The following CDKAL1 variants were observed in gnomAD, a reference collection of about 807,000 sequenced individuals.
CDKAL1 encodes CDKAL1 threonylcarbamoyladenosine tRNA methylthiotransferase.
A neutral mutation model predicts 68.2 loss-of-function variants in CDKAL1; 32 were observed. That is an observed-to-expected ratio of 0.47 (90% CI 0.35 to 0.63). The LOEUF is 0.63. Among genes scored for constraint, CDKAL1 ranks in the 30% least tolerant of loss-of-function variants. CDKAL1 has a pLI of 0.00. For synonymous variants in CDKAL1, 234 were observed against 244.3 expected (o/e 0.96, Z 0.39); for missense variants, 606 against 696.7 (o/e 0.87, Z 1.47).
intron 10 of CDKAL1, among the ~76,000 whole-genome samples, chr6:20,996,281 T>C (rs1416770241): frequency 6.6e-6 from 1 of 152,242 alleles, no homozygotes; most frequent in African/African-American, 2.4e-5. Flanking sequence ...GCACTTTTGA[T>C]TTCCTTCAAG....
At position 21,093,894 on chromosome 6, in the gene CDKAL1, C is replaced by CTTT. The variant is rs33945169; in HGVS notation, c.1237-14491_1237-14489dup. 0.023 allele frequency among the ~76,000 whole-genome samples: 2,607 copies of CTTT among 110,994 alleles called. 231 individuals carry two copies. In the East Asian group the frequency reaches 0.28, roughly 12 times the overall value. The allele number at this position is 110,994 out of a possible 152,430, so 72.8% of individuals were successfully genotyped here. ...ACGGTAGGTGCACCACCACACCTGG[C>CTTT]TTTTTTTTTTTTTTTTTTGTAGAGA... On this transcript the variant is annotated intron_variant, in intron 12 of 15. Transcript: ENST00000274695.
intron 5 of CDKAL1, among the ~76,000 whole-genome samples, chr6:20,650,959 T>A (rs1414668066): frequency 2.0e-5 from 3 of 152,190 alleles, no homozygotes; most frequent in African/African-American, 7.2e-5. Flanking sequence ...TACTGTAGCC[T>A]TGTAGTATAG....
chr6:21,226,193 G>C (rs764924374), intron 15 of CDKAL1, among the ~76,000 whole-genome samples: 1 of 151,970 alleles, frequency 6.6e-6, no homozygotes, highest in Non-Finnish European at 1.5e-5. Context: ...AAAGACGAAG[G>C]AAATAGAGAT....
chr6:20,720,168 G>T (rs1467239838), intron 5 of CDKAL1, among the ~76,000 whole-genome samples: 1 of 152,118 alleles, frequency 6.6e-6, no homozygotes, highest in African/African-American at 2.4e-5. Context: ...TTTGGGCCCT[G>T]TGGTGGCTTT....
chr6:20,653,901 G>A (rs1435594569), intron 5 of CDKAL1, among the ~76,000 whole-genome samples: 2 of 152,080 alleles, frequency 1.3e-5, no homozygotes, highest in African/African-American at 2.4e-5. Context: ...GTGAGCCACT[G>A]CGCCTAGTCA....
At chr6:21,177,812 G>A (rs188257583) in intron 13 of CDKAL1, among the ~76,000 whole-genome samples, 295 of 152,172 alleles carry the variant, frequency 1.9e-3, no homozygotes, top group African/African-American at 6.0e-3. Context: ...GAGCAGACAC[G>A]TGGTGTAAAT....
At chr6:20,652,001 C>T (rs1227745539) in intron 5 of CDKAL1, among the ~76,000 whole-genome samples, 3 of 152,008 alleles carry the variant, frequency 2.0e-5, no homozygotes, top group African/African-American at 7.3e-5. Flanking sequence ...TGGATATTGA[C>T]CTGAAGTTTT....
intron 4 of CDKAL1, among the ~76,000 whole-genome samples, chr6:20,595,416 C>T (rs1369228228): frequency 6.6e-6 from 1 of 151,946 alleles, no homozygotes; most frequent in Non-Finnish European, 1.5e-5. Context: ...TTAAGTTGAT[C>T]TTTAGTCTCT....
intron 4 of CDKAL1, among the ~76,000 whole-genome samples, chr6:20,568,734 C>CAAAAAAAA (rs71538795): frequency 9.6e-5 from 3 of 31,112 alleles, no homozygotes; most frequent in East Asian, 8.9e-4. Flanking sequence ...GACTCCGCCT[C>CAAAAAAAA]AAAAAAAAAA....
intron 13 of CDKAL1, among the ~76,000 whole-genome samples, chr6:21,195,165 C>T (rs934677984): frequency 6.6e-6 from 1 of 151,940 alleles, no homozygotes; most frequent in Admixed American, 6.6e-5. Flanking sequence ...TCCGTATGCT[C>T]TGGAGATTTT....
chr6:21,211,742 A>T (rs1779157742), intron 15 of CDKAL1, among the ~76,000 whole-genome samples: 1 of 152,140 alleles, frequency 6.6e-6, no homozygotes, highest in African/African-American at 2.4e-5. Context: ...TCTATCATGC[A>T]TGTGGGAATA....
At chr6:21,193,935 G>A (rs559735251) in intron 13 of CDKAL1, among the ~76,000 whole-genome samples, 2 of 152,320 alleles carry the variant, frequency 1.3e-5, no homozygotes, top group South Asian at 4.1e-4. Context: ...AGGAAAAGAA[G>A]TTTATTTGGC....
intron 9 of CDKAL1, among the ~76,000 whole-genome samples, chr6:20,900,422 G>C (rs1034983229): frequency 2.0e-5 from 3 of 152,182 alleles, no homozygotes; most frequent in African/African-American, 4.8e-5. Context: ...GAAGCACAAG[G>C]CTTCTCTCCT....
At chr6:20,891,054 T>C (rs572811402) in intron 9 of CDKAL1, among the ~76,000 whole-genome samples, 3 of 152,304 alleles carry the variant, frequency 2.0e-5, no homozygotes, top group South Asian at 4.1e-4. Flanking sequence ...TTTCCCCCGC[T>C]ACCCTAGGCA....
chr6:21,220,123 G>T (rs1263006705), intron 15 of CDKAL1, among the ~76,000 whole-genome samples: 8 of 152,156 alleles, frequency 5.3e-5, no homozygotes. Context: ...CTACTATCAT[G>T]AATGTTGGGA....
At chr6:20,819,115 G>GT (rs1266252261) in intron 8 of CDKAL1, among the ~76,000 whole-genome samples, 3 of 151,826 alleles carry the variant, frequency 2.0e-5, no homozygotes, top group Non-Finnish European at 4.4e-5. Flanking sequence ...GGTATTTTTG[G>GT]TTTTTTTCCC....
intron 9 of CDKAL1, among the ~76,000 whole-genome samples, chr6:20,917,060 A>G (rs1762753481): frequency 6.6e-6 from 1 of 152,180 alleles, no homozygotes; most frequent in Non-Finnish European, 1.5e-5. Flanking sequence ...GGCTCACTGC[A>G]ACCTTCACCT....
At chr6:21,015,745 G>A (rs1459767023) in intron 11 of CDKAL1, among the ~76,000 whole-genome samples, 2 of 152,010 alleles carry the variant, frequency 1.3e-5, no homozygotes, top group African/African-American at 4.8e-5. Context: ...TGGCCAACGT[G>A]ACAAAACCAC....
chr6:20,622,535 T>C (rs1488112010), intron 4 of CDKAL1, among the ~76,000 whole-genome samples: 1 of 152,106 alleles, frequency 6.6e-6, no homozygotes, highest in African/African-American at 2.4e-5. Context: ...ACTCTGCTTC[T>C]AGATGACAGT....
Sources: gnomAD v4.1 joint callset for allele counts (sites outside exome capture counted in the v4.1 genomes callset) on GRCh38, gnomAD v4.1.1 for gene constraint, MANE v1.5 for transcripts, NCBI Gene and HGNC (gene_info 2026-07-23, HGNC 2026-07-21) for gene names.